The following TMIGD3 variants were observed in gnomAD, a reference collection of about 807,000 sequenced individuals.
TMIGD3 encodes the protein transmembrane and immunoglobulin domain containing 3.
Under a neutral mutation model 28.1 loss-of-function variants are expected in TMIGD3, and 21 were observed. That is an observed-to-expected ratio of 0.75 (90% confidence interval 0.53 to 1.08). The LOEUF (loss-of-function observed/expected upper bound fraction) is 1.08, where lower values mean the gene tolerates loss of function less well. Ranked by LOEUF, TMIGD3 falls within the 50% of genes least tolerant of loss-of-function variation. The probability of loss-of-function intolerance (pLI) is 0.00; values close to 1 mark genes in which losing one functional copy is unlikely to be tolerated. For synonymous variants in TMIGD3, 151 were observed against 162.1 expected, an observed-to-expected ratio of 0.93 and a Z score of 0.52; for missense variants, 416 against 435.6, an observed-to-expected ratio of 0.96 and a Z score of 0.40.
intron 1 of TMIGD3, chr1:111,500,699 A>AATGCTGCCCTCTC: frequency 4.9e-6 from 4 of 811,266 alleles, no homozygotes; most frequent in Non-Finnish European, 5.9e-6. Flanking sequence ...AGAGGGCAGC[A>AATGCTGCCCTCTC]TTGATATCCT....
At chr1:111,500,775 A>G in intron 1 of TMIGD3, 1 of 568,928 alleles carries the variant, frequency 1.8e-6, no homozygotes, top group Non-Finnish European at 3.1e-6. Context: ...TTGGAGAAAA[A>G]TCCAGGAAAC....
In TMIGD3 at chr1:111,483,520, C is replaced by T. The variant is rs1263713218; in HGVS notation, c.*167G>A. Reference sequence around the variant, plus strand: ...GCTTGGGTGTGGTCTATCATAGCTCCTCTGACTACCGCCGTTGCTACCTGG... The same window carrying T: ...GCTTGGGTGTGGTCTATCATAGCTCTTCTGACTACCGCCGTTGCTACCTGG... On this transcript the variant is annotated 3_prime_UTR_variant, in exon 6 of 6. Coordinates refer to ENST00000369716, the MANE Select transcript of TMIGD3 (RefSeq NM_020683.7). The T allele has an allele frequency of 1.4e-5, 9 of 666,182 alleles. No individual in the cohort carries two copies. Among genetic ancestry groups the T allele is most frequent in the South Asian group, 8.1e-5 (5 of 62,076 alleles). The allele number at this position is 666,182 out of a possible 1,614,324, so 41.3% of individuals were successfully genotyped here. A position where few individuals can be genotyped will look rare whatever the true frequency, so the allele number is the denominator to read the frequency against.
intron 1 of TMIGD3, among the ~76,000 whole-genome samples, chr1:111,499,090 C>CAAAAA (rs59510125): frequency 0.086 from 11,674 of 135,360 alleles, 687 homozygotes; most frequent in East Asian, 0.23. Flanking sequence ...GACCTTGTCT[C>CAAAAA]AAAAAAAAAA....
chr1:111,563,940 G>T, exon 1 of TMIGD3: 1 of 1,613,542 alleles, frequency 6.2e-7, no homozygotes. Context: ...GGTCCTGCTG[G>T]AGACCCTTCC....
At chr1:111,486,539 C>G (rs1320738521) in intron 4 of TMIGD3, 47 bp downstream of exon 4, 1 of 1,398,330 alleles carries the variant, frequency 7.2e-7, no homozygotes, top group Non-Finnish European at 1.0e-6. Flanking sequence ...GCCCCTACCT[C>G]CACCCCACCG....
intron 1 of TMIGD3, among the ~76,000 whole-genome samples, chr1:111,541,417 T>G (rs965791005): frequency 1.3e-5 from 2 of 152,198 alleles, no homozygotes; most frequent in Non-Finnish European, 2.9e-5. Context: ...GAATTCTGAC[T>G]GATACAGTGA....
intron 1 of TMIGD3, chr1:111,542,398 T>A (rs1383051495): frequency 8.4e-6 from 2 of 236,700 alleles, no homozygotes; most frequent in African/African-American, 2.3e-5. Flanking sequence ...GGAAGCTGCC[T>A]GAGGACCTCC....
chr1:111,556,261 C>T (rs778129984), intron 1 of TMIGD3, among the ~76,000 whole-genome samples: 4 of 152,146 alleles, frequency 2.6e-5, no homozygotes, highest in Non-Finnish European at 5.9e-5. Context: ...CAAAAAAACA[C>T]TCACACAGAT....
At chr1:111,553,125 T>C (rs1041750186) in intron 1 of TMIGD3, among the ~76,000 whole-genome samples, 9 of 152,210 alleles carry the variant, frequency 5.9e-5, no homozygotes, top group Admixed American at 3.9e-4. Flanking sequence ...TTTCTTCCCA[T>C]CTTGTAAGCA....
intron 1 of TMIGD3, among the ~76,000 whole-genome samples, chr1:111,544,708 A>G (rs889441449): frequency 2.0e-5 from 3 of 152,180 alleles, no homozygotes; most frequent in Non-Finnish European, 4.4e-5. Flanking sequence ...TGAATTATAC[A>G]TTCAAAACGT....
At chr1:111,561,281 G>A (rs1297116649) in intron 1 of TMIGD3, among the ~76,000 whole-genome samples, 2 of 152,076 alleles carry the variant, frequency 1.3e-5, no homozygotes, top group South Asian at 2.1e-4. Flanking sequence ...ACACCACCAC[G>A]CCTGGCTAAT....
intron 1 of TMIGD3, among the ~76,000 whole-genome samples, chr1:111,537,371 T>C (rs1419453148): frequency 6.6e-6 from 1 of 152,234 alleles, no homozygotes; most frequent in Non-Finnish European, 1.5e-5. Context: ...GTTGGATTCA[T>C]TTATAGCTCC....
At chr1:111,524,348 T>C (rs952615157) in intron 1 of TMIGD3, among the ~76,000 whole-genome samples, 5 of 151,978 alleles carry the variant, frequency 3.3e-5, no homozygotes, top group Admixed American at 3.3e-4. Context: ...TTTCTTATGG[T>C]GAAAATTGAG....
rs572290248 is a variant in TMIGD3, at chr1:111,537,857, A to G, written c.107+25989T>C. On this transcript the variant is annotated intron_variant, in intron 1 of 5. Transcript: ENST00000369717. Reference sequence around the variant, plus strand: ...CAATATGAAACATATGGGGGCTATGATGACCAGGATGAAAACAGATGTGAT... The same window carrying G: ...CAATATGAAACATATGGGGGCTATGGTGACCAGGATGAAAACAGATGTGAT... Among the ~76,000 whole-genome samples the G allele has an allele frequency of 4.0e-5, 6 of 151,814 alleles. No individual in the cohort carries two copies. The Middle Eastern group carries it at 0.014, about 344-fold the overall frequency.
At chr1:111,518,130 A>G (rs751763504) in intron 1 of TMIGD3, among the ~76,000 whole-genome samples, 3 of 152,324 alleles carry the variant, frequency 2.0e-5, no homozygotes, top group South Asian at 2.1e-4. Context: ...CCTTTTTGCT[A>G]TACCTGTGCT....
chr1:111,542,226 C>T (rs941754791), intron 1 of TMIGD3: 1 of 603,738 alleles, frequency 1.7e-6, no homozygotes. Context: ...ACATCCTTCG[C>T]GTACTGACGG....
intron 2 of TMIGD3, chr1:111,489,453 G>A (rs1459604572): frequency 7.7e-6 from 5 of 649,690 alleles, no homozygotes; most frequent in Non-Finnish European, 9.8e-6. Flanking sequence ...CAAATGCCTC[G>A]ATCTTGAACT....
intron 2 of TMIGD3, among the ~76,000 whole-genome samples, 192 bp from the exon 3 acceptor site, chr1:111,489,216 T>G (rs922606872): frequency 2.0e-5 from 3 of 152,194 alleles, no homozygotes; most frequent in Non-Finnish European, 4.4e-5. Context: ...AGTCCTAACC[T>G]CCAGTGACCC....
chr1:111,557,098 T>C (rs1295693766), intron 1 of TMIGD3, among the ~76,000 whole-genome samples: 2 of 151,956 alleles, frequency 1.3e-5, no homozygotes, highest in East Asian at 1.9e-4. Flanking sequence ...CAAAGAGAAA[T>C]GTTAAGACTA....
Sources: gnomAD v4.1 joint callset for allele counts (sites outside exome capture counted in the v4.1 genomes callset) on GRCh38, gnomAD v4.1.1 for gene constraint, MANE v1.5 for transcripts, NCBI Gene and HGNC (gene_info 2026-07-23, HGNC 2026-07-21) for gene names.